Variants in DIS3L2 observed in about 807,000 individuals in gnomAD.
DIS3L2 encodes the protein DIS3-like exonuclease 2.
In DIS3L2, 34 loss-of-function variants were observed where a neutral mutation model predicts 97.5. The observed-to-expected ratio is 0.35, with a 90% CI of 0.27 to 0.46. The LOEUF (loss-of-function observed/expected upper bound fraction) is 0.46, where lower values mean the gene tolerates loss of function less well. DIS3L2 is among the 20% of genes least tolerant of loss of function. The pLI is 1.00. For synonymous variants in DIS3L2, 435 were observed against 445.2 expected (o/e 0.98, Z 0.29); for missense variants, 1,038 against 1,146.0 (o/e 0.91, Z 1.36).
chr2:232,343,506 C>T (rs1023663550), exon 14 of DIS3L2: 3 of 1,557,576 alleles, frequency 1.9e-6, no homozygotes, highest in Non-Finnish European at 2.6e-6. Flanking sequence ...AGCAACAGAG[C>T]CGTGTATTGG....
intron 8 of DIS3L2, among the ~76,000 whole-genome samples, chr2:232,140,159 C>G (rs1274407566): frequency 1.3e-5 from 2 of 152,164 alleles, no homozygotes; most frequent in African/African-American, 4.8e-5. Context: ...CAGTGGCTTT[C>G]TCCTTCCTCT....
At position 232,087,523 on chromosome 2, in the gene DIS3L2, G is replaced by A; in HGVS notation, c.403G>A (p.Ala135Thr). Residue 135 changes from alanine (A) to threonine (T), a missense_variant, in exon 6 of 21, where the codon GCT (alanine) becomes ACT (threonine). This residue lies in a region of DIS3L2 where 813 missense variants were observed against 880.1 expected (regional missense o/e 0.92). Coordinates refer to ENST00000325385, the MANE Select transcript of DIS3L2 (RefSeq NM_152383.5). Reference sequence around the variant, plus strand: ...AGAGAGCAATGACAAAGAAACAGAAGCTGCGTATGAATCAGATATCCCCGA... The same window carrying A: ...AGAGAGCAATGACAAAGAAACAGAAACTGCGTATGAATCAGATATCCCCGA... ...KPESNDKETE[A>T]AYESDIPEEL... is the part of the protein sequence containing the mutation. The A allele has an allele frequency of 1.2e-6, 2 of 1,613,644 alleles. No individual in the cohort carries two copies. Among genetic ancestry groups the A allele is most frequent in the Non-Finnish European group, 1.7e-6 (2 of 1,179,870 alleles).
chr2:232,000,154 C>T (rs185749055), intron 1 of DIS3L2, among the ~76,000 whole-genome samples: 1 of 152,230 alleles, frequency 6.6e-6, no homozygotes, highest in East Asian at 1.9e-4. Flanking sequence ...ATACCTAATA[C>T]AATATAAATG....
intron 9 of DIS3L2, among the ~76,000 whole-genome samples, chr2:232,193,621 C>T (rs979015014): frequency 2.0e-5 from 3 of 152,072 alleles, no homozygotes; most frequent in Admixed American, 1.3e-4. Context: ...CTTTTATGTC[C>T]CCATTTCATC....
intron 14 of DIS3L2, chr2:232,307,604 G>A (rs1695022220): frequency 6.6e-6 from 1 of 152,122 alleles, no homozygotes; most frequent in African/African-American, 2.4e-5. Context: ...GAATTCGATT[G>A]CAAGGCTATA....
rs959860933 is a variant in DIS3L2, at chr2:232,157,884, C to T, written c.951-5575C>T. 9.2e-5 allele frequency among the ~76,000 whole-genome samples: 14 copies of T among 152,196 alleles called. No homozygotes were observed. In the East Asian group the frequency reaches 1.5e-3, roughly 17 times the overall value. On this transcript the variant is annotated intron_variant, in intron 8 of 20. Transcript: ENST00000325385. ...AGCACTGCAGCGATGGGGACATACA[C>T]GGGCGCAGGCCATCCTGCCTCCACA...
chr2:232,289,500 T>C (rs1694541012), intron 13 of DIS3L2, among the ~76,000 whole-genome samples: 1 of 152,232 alleles, frequency 6.6e-6, no homozygotes. Flanking sequence ...CTTGAACTCC[T>C]GACTTCAGGT....
Position 232,087,543 on chromosome 2 carries a change from C to T in DIS3L2, c.423C>T (p.Ile141=), listed in dbSNP as rs1574864680. 3 of 1,613,836 alleles carry T rather than the reference C, an allele frequency of 1.9e-6. No homozygotes were observed. The highest frequency in any genetic ancestry group is 2.7e-5 in the African/African-American group (2 of 74,842). ...CAGAAGCTGCGTATGAATCAGATATCCCCGAGGAGCTCTGTGGACACCATC... is the reference window on the plus strand; with the variant it reads ...CAGAAGCTGCGTATGAATCAGATATTCCCGAGGAGCTCTGTGGACACCATC... ...KETEAAYESD[I]PEELCGHHLP... Residue 141 remains isoleucine, a synonymous_variant, in exon 6 of 21, where the codon ATC becomes ATT. Transcript: ENST00000325385.
At chr2:232,173,753 G>A (rs918147071) in intron 9 of DIS3L2, among the ~76,000 whole-genome samples, 7 of 152,126 alleles carry the variant, frequency 4.6e-5, no homozygotes, top group African/African-American at 1.4e-4. Flanking sequence ...GACCATAAAT[G>A]TATTGGTTTA....
chr2:232,075,616 C>T (rs1413434460), intron 5 of DIS3L2, among the ~76,000 whole-genome samples: 2 of 152,206 alleles, frequency 1.3e-5, no homozygotes, highest in African/African-American at 4.8e-5. Context: ...TTTCCAGCTG[C>T]CACCTGGATG....
intron 1 of DIS3L2, among the ~76,000 whole-genome samples, chr2:231,997,923 A>C (rs972105321): frequency 2.0e-5 from 3 of 152,186 alleles, no homozygotes; most frequent in Admixed American, 2.0e-4. Flanking sequence ...AAATTCCCCA[A>C]TCATGCCCTT....
intron 8 of DIS3L2, among the ~76,000 whole-genome samples, chr2:232,143,757 G>C (rs559819408): frequency 4.9e-4 from 75 of 152,068 alleles, no homozygotes; most frequent in African/African-American, 1.5e-3. Context: ...ACCAACCCAT[G>C]AACTCATGAA....
At position 232,233,874 on chromosome 2, in the gene DIS3L2, G is replaced by A. The variant is rs1574962237; in HGVS notation, c.1205-4659G>A. On this transcript the variant is annotated intron_variant, in intron 10 of 20. Coordinates refer to ENST00000325385, the MANE Select transcript of DIS3L2 (RefSeq NM_152383.5). ...TAGAACTGGAGTTAATGGCTTAGTG[G>A]TTGTTCTATAATCAGGCCCTGCTAC... Among the ~76,000 whole-genome samples the A allele has an allele frequency of 3.9e-5, 6 of 152,338 alleles. No individual in the cohort carries two copies. The South Asian group carries it at 1.2e-3, about 32-fold the overall frequency.
intron 14 of DIS3L2, among the ~76,000 whole-genome samples, chr2:232,304,684 C>T (rs1294834515): frequency 9.2e-5 from 14 of 152,186 alleles, no homozygotes; most frequent in Admixed American, 9.2e-4. Context: ...GGTTGGCCTC[C>T]CGGCTGTCCT....
intron 5 of DIS3L2, among the ~76,000 whole-genome samples, chr2:232,066,233 C>T (rs1042774079): frequency 1.3e-5 from 2 of 151,474 alleles, no homozygotes; most frequent in East Asian, 1.9e-4. Context: ...TGAGGAAAGC[C>T]CTCTATCTTT....
chr2:232,164,727 T>C (rs373872436), intron 9 of DIS3L2, among the ~76,000 whole-genome samples: 3 of 152,316 alleles, frequency 2.0e-5, no homozygotes, highest in East Asian at 1.9e-4. Flanking sequence ...AGAACACATA[T>C]TACATTTGAA....
At chr2:232,081,503 T>C (rs994131813) in intron 5 of DIS3L2, among the ~76,000 whole-genome samples, 1 of 152,116 alleles carries the variant, frequency 6.6e-6, no homozygotes, top group Non-Finnish European at 1.5e-5. Context: ...TTTTTCTTTC[T>C]TAATTTAATT....
intron 11 of DIS3L2, among the ~76,000 whole-genome samples, chr2:232,247,448 C>T (rs922104005): frequency 1.3e-5 from 2 of 151,922 alleles, no homozygotes; most frequent in Admixed American, 6.6e-5. Context: ...TTTCTCTGTG[C>T]CTACTCATGC....
At chr2:232,142,658 A>AT (rs1319079248) in intron 8 of DIS3L2, among the ~76,000 whole-genome samples, 2 of 152,134 alleles carry the variant, frequency 1.3e-5, no homozygotes, top group African/African-American at 4.8e-5. Flanking sequence ...ATTTTCACTG[A>AT]TAAAAACACC....
Sources: allele counts gnomAD v4.1 joint callset (sites outside exome capture counted in the v4.1 genomes callset), GRCh38; gene constraint gnomAD v4.1.1; regional missense constraint gnomAD v4.1.1; transcripts MANE v1.5; gene names NCBI Gene and HGNC (gene_info 2026-07-23, HGNC 2026-07-21).